Variants in TRIM14 observed in about 807,000 individuals in gnomAD.
TRIM14 encodes tripartite motif-containing protein 14.
A neutral mutation model predicts 44.5 loss-of-function variants in TRIM14; 28 were observed. The ratio of observed to expected loss-of-function variants is 0.63; its 90% CI spans 0.47 to 0.86. TRIM14 has a LOEUF of 0.86. TRIM14 is among the 40% of genes least tolerant of loss of function. The pLI, the probability that TRIM14 is intolerant of heterozygous loss-of-function variation, is 0.00. For missense variants in TRIM14, 607 were observed against 611.1 expected (o/e 0.99, Z 0.07); for synonymous variants, 299 against 269.2 (o/e 1.11, Z -1.08).
At position 98,087,441 on chromosome 9, in the gene TRIM14, C is replaced by T; in HGVS notation, c.*29G>A. 1 of 1,606,780 alleles carries T rather than the reference C, an allele frequency of 6.2e-7. No individual in the cohort carries two copies. Among genetic ancestry groups the T allele is most frequent in the Non-Finnish European group, 8.5e-7 (1 of 1,175,284 alleles). On this transcript the variant is annotated 3_prime_UTR_variant, in exon 6 of 6. Coordinates refer to ENST00000341469, the MANE Select transcript of TRIM14 (RefSeq NM_014788.4). ...GGCGAGACTGGGCAGCTGCGGCGTA[C>T]CTGGAGGCTGTCACGCCGGTCCTGG...
chr9:98,056,167 G>C, the TRIM14 span, among the ~76,000 whole-genome samples: 2 of 152,284 alleles, frequency 1.3e-5, no homozygotes, highest in African/African-American at 4.8e-5. Flanking sequence ...CATATAATAG[G>C]AACCTCCGCC....
At chr9:98,051,736 C>T in the TRIM14 span, among the ~76,000 whole-genome samples, 1 of 152,048 alleles carries the variant, frequency 6.6e-6, no homozygotes, top group Admixed American at 6.6e-5. Flanking sequence ...ATGAAGGGTC[C>T]CATTTTTATA....
the TRIM14 span, among the ~76,000 whole-genome samples, chr9:98,041,665 T>A: frequency 6.6e-6 from 1 of 150,918 alleles, no homozygotes; most frequent in Non-Finnish European, 1.5e-5. Context: ...CTAATTTTGT[T>A]TTTTGTTTTT....
intron 2 of TRIM14, among the ~76,000 whole-genome samples, chr9:98,106,163 G>A (rs1254793087): frequency 9.9e-5 from 15 of 152,206 alleles, no homozygotes; most frequent in South Asian, 8.3e-4. Context: ...GATAATACAC[G>A]TGACAAACCA....
In TRIM14 at chr9:98,078,047, T is replaced by A. The variant is rs1011321092; in HGVS notation, c.*29-8360A>T. The A allele has an allele frequency of 1.2e-5, 15 of 1,222,332 alleles. No homozygotes were observed. In the African/African-American group the frequency reaches 2.3e-4, roughly 19 times the overall value. The allele number at this position is 1,222,332 out of a possible 1,614,324, so 75.7% of individuals were successfully genotyped here. On this transcript the variant is annotated intron_variant, in intron 6 of 6. Coordinates refer to the TRIM14 transcript ENST00000375098. ...AGGGCAGGAACCCAACAAGCTCCTC[T>A]CTGTTCCCCCACAGGGGCTGGCACA...
At chr9:98,040,133 TG>T in the TRIM14 span, among the ~76,000 whole-genome samples, 1 of 152,074 alleles carries the variant, frequency 6.6e-6, no homozygotes, top group South Asian at 2.1e-4. Flanking sequence ...CATGAGCCAC[TG>T]TACCCGGCAT....
At chr9:98,049,053 C>T in the TRIM14 span, among the ~76,000 whole-genome samples, 7 of 150,956 alleles carry the variant, frequency 4.6e-5, no homozygotes, top group African/African-American at 1.7e-4. Context: ...TAAAGAGTGG[C>T]TATTCTGGCC....
At chr9:98,050,365 G>A in the TRIM14 span, among the ~76,000 whole-genome samples, 2,089 of 152,242 alleles carry the variant, frequency 0.014, 24 homozygotes, top group Admixed American at 0.02. Flanking sequence ...TACTTATTTG[G>A]TCTTGAAACC....
downstream of TRIM14, among the ~76,000 whole-genome samples, chr9:98,084,023 A>AAGAT (rs1467027972): frequency 1.3e-5 from 2 of 152,248 alleles, no homozygotes; most frequent in East Asian, 3.8e-4. Flanking sequence ...CGTAAGGAAT[A>AAGAT]AGATATGAGT....
chr9:98,042,150 G>A, the TRIM14 span, among the ~76,000 whole-genome samples: 6 of 151,518 alleles, frequency 4.0e-5, no homozygotes, highest in South Asian at 6.3e-4. Flanking sequence ...AAAATTAGCC[G>A]GGCGTGGTGG....
chr9:98,101,245 G>C (rs10985048), intron 2 of TRIM14, among the ~76,000 whole-genome samples: 50,967 of 151,958 alleles, frequency 0.34, 10,457 homozygotes, highest in African/African-American at 0.58. Flanking sequence ...AAAATGCTGA[G>C]ATTACAGGCA....
the TRIM14 span, among the ~76,000 whole-genome samples, chr9:98,038,699 T>C: frequency 6.6e-6 from 1 of 152,176 alleles, no homozygotes; most frequent in Non-Finnish European, 1.5e-5. Context: ...CTGGATTTCA[T>C]TTTCTCTGTG....
the TRIM14 span, among the ~76,000 whole-genome samples, chr9:98,057,959 A>G: frequency 3.3e-5 from 3 of 91,750 alleles, no homozygotes; most frequent in Non-Finnish European, 5.8e-5. Context: ...GGGTCTCTGT[A>G]TCACCCAGGC....
chr9:98,055,266 G>A, the TRIM14 span, among the ~76,000 whole-genome samples: 120 of 152,192 alleles, frequency 7.9e-4, 1 homozygote, highest in African/African-American at 2.7e-3. Flanking sequence ...TGATCCACCC[G>A]CCTCAGCCTC....
At chr9:98,060,740 A>C in the TRIM14 span, 2 of 1,597,102 alleles carry the variant, frequency 1.3e-6, no homozygotes, top group Non-Finnish European at 1.7e-6. Context: ...TTTTTTGAGA[A>C]TCTACGACAG....
intron 6 of TRIM14, among the ~76,000 whole-genome samples, chr9:98,070,159 G>A (rs1478471743): frequency 2.0e-5 from 3 of 151,980 alleles, no homozygotes; most frequent in Non-Finnish European, 2.9e-5. Flanking sequence ...TTGCTGTCAC[G>A]CAGGCTGGAG....
At chr9:98,107,470 T>C (rs1826660563) in intron 2 of TRIM14, among the ~76,000 whole-genome samples, 2 of 152,218 alleles carry the variant, frequency 1.3e-5, no homozygotes, top group Admixed American at 1.3e-4. Flanking sequence ...CAGCAATACA[T>C]GGGAATGAAC....
downstream of TRIM14, among the ~76,000 whole-genome samples, chr9:98,066,072 C>T (rs1406153975): frequency 2.0e-5 from 3 of 152,208 alleles, no homozygotes; most frequent in African/African-American, 4.8e-5. Flanking sequence ...GTCATCCCTC[C>T]TCCTCCATAG....
downstream of TRIM14, among the ~76,000 whole-genome samples, chr9:98,079,462 C>T (rs1180524788): frequency 2.2e-5 from 2 of 92,250 alleles, no homozygotes; most frequent in East Asian, 2.2e-4. Flanking sequence ...TGTTGTTATA[C>T]AGCCATTAAC....
Sources: allele counts gnomAD v4.1 joint callset (sites outside exome capture counted in the v4.1 genomes callset), GRCh38; gene constraint gnomAD v4.1.1; transcripts MANE v1.5; gene names NCBI Gene and HGNC (gene_info 2026-07-23, HGNC 2026-07-21).